The following MAPT variants were observed in gnomAD, a reference collection of about 807,000 sequenced individuals.
MAPT encodes the protein microtubule-associated protein tau.
MAPT carries 34 observed loss-of-function variants against 67.9 expected under a neutral mutation model. The ratio of observed to expected loss-of-function variants is 0.50; its 90% confidence interval spans 0.38 to 0.67. MAPT has a LOEUF of 0.67. Ranked by LOEUF, MAPT falls within the 30% of genes least tolerant of loss-of-function variation. The pLI is 0.00. For missense variants in MAPT, 881 were observed against 1,115.2 expected (o/e 0.79, Z 2.99); for synonymous variants, 456 against 464.5 (o/e 0.98, Z 0.23).
At chr17:45,937,608 AAAGAAAG>A (rs1395890643) in intron 1 of MAPT, among the ~76,000 whole-genome samples, 1 of 151,632 alleles carries the variant, frequency 6.6e-6, no homozygotes, top group Non-Finnish European at 1.5e-5. Flanking sequence ...AGAAAAAAAA[AAAGAAAG>A]GAGAGAGAGA....
intron 1 of MAPT, among the ~76,000 whole-genome samples, chr17:45,900,816 T>G (rs1212435645): frequency 6.6e-6 from 1 of 152,174 alleles, no homozygotes; most frequent in African/African-American, 2.4e-5. Flanking sequence ...GAGAGTTTTT[T>G]GTCATCCACA....
Position 46,010,172 on chromosome 17 carries a change from G to A in MAPT, c.1999-138G>A, listed in dbSNP as rs970516639. The stretch of plus-strand genomic sequence containing the variant: ...TCCCCAGACTGCCTCTGCCAAGTCC[G>A]AAAGTGGAGGCATCCTTGCGAGCAA... On this transcript the variant is annotated intron_variant, in intron 9 of 12. Transcript: ENST00000262410. The surrounding 1 kb of genome is among the most constrained non-coding windows in gnomAD (Gnocchi z 4.7). 1.1e-5 allele frequency: 8 copies of A among 717,448 alleles called. No homozygotes were observed. The highest frequency in any genetic ancestry group is 3.6e-4 in the Middle Eastern group (1 of 2,770). The allele number at this position is 717,448 out of a possible 1,614,324, so 44.4% of individuals were successfully genotyped here.
chr17:45,949,843 G>T (rs907800506), intron 1 of MAPT, among the ~76,000 whole-genome samples: 1 of 152,244 alleles, frequency 6.6e-6, no homozygotes, highest in East Asian at 1.9e-4. Flanking sequence ...GGAGGAAGGC[G>T]GATTGGTCAT....
rs1296480428 is a variant in MAPT at position 45,926,203 on chromosome 17, T to G, written c.-18+31517T>G. 1.4e-4 allele frequency among the ~76,000 whole-genome samples: 21 copies of G among 150,820 alleles called. No individual in the cohort carries two copies. The East Asian group carries it at 4.1e-3, about 29-fold the overall frequency. On this transcript the variant is annotated intron_variant, in intron 1 of 12. Coordinates refer to ENST00000262410, the MANE Select transcript of MAPT (RefSeq NM_001377265.1). ...TCTAGTCTGGGCAACAGAGTAAGAC[T>G]CTATGTCAAAGAAAAAAAAAAAAGA...
chr17:45,917,669 G>T (rs2065312041), intron 1 of MAPT, among the ~76,000 whole-genome samples: 1 of 152,128 alleles, frequency 6.6e-6, no homozygotes, highest in Non-Finnish European at 1.5e-5. Flanking sequence ...TGAGGGAACA[G>T]TTCCCAATGA....
intron 1 of MAPT, among the ~76,000 whole-genome samples, chr17:45,938,722 A>G (rs2067582643): frequency 6.6e-6 from 1 of 151,974 alleles, no homozygotes; most frequent in South Asian, 2.1e-4. Context: ...AGCTCACTGC[A>G]GCCTCGACGT....
intron 1 of MAPT, among the ~76,000 whole-genome samples, chr17:45,928,440 G>A (rs1188012060): frequency 6.6e-6 from 1 of 152,064 alleles, no homozygotes; most frequent in African/African-American, 2.4e-5. Context: ...TGACTTTGTG[G>A]TACTTGTCTC....
chr17:45,937,626 GAAAGA>G (rs1372606200), intron 1 of MAPT, among the ~76,000 whole-genome samples: 4 of 144,140 alleles, frequency 2.8e-5, no homozygotes, highest in Non-Finnish European at 4.6e-5. Context: ...GAGAGAGAGA[GAAAGA>G]AAAGAAAAGA....
intron 9 of MAPT, among the ~76,000 whole-genome samples, chr17:45,998,737 C>T (rs1317894900): frequency 4.6e-5 from 7 of 152,116 alleles, no homozygotes; most frequent in African/African-American, 1.7e-4. Context: ...GGAAACTGTC[C>T]TGCGCTTCCA....
intron 1 of MAPT, among the ~76,000 whole-genome samples, chr17:45,920,720 A>ACACCCTCC (rs2065627961): frequency 1.3e-5 from 2 of 152,150 alleles, no homozygotes; most frequent in East Asian, 3.9e-4. Context: ...TCCTGCAGAT[A>ACACCCTCC]CACCCTCCTT....
chr17:45,987,638 C>T (rs772862285), intron 6 of MAPT, among the ~76,000 whole-genome samples: 3 of 152,254 alleles, frequency 2.0e-5, no homozygotes, highest in Non-Finnish European at 2.9e-5. Context: ...TTAAAGGTAT[C>T]TAAAATTTCC....
At chr17:45,981,507 C>T (rs1162671984) in intron 4 of MAPT, among the ~76,000 whole-genome samples, 1 of 152,194 alleles carries the variant, frequency 6.6e-6, no homozygotes, top group Admixed American at 6.5e-5. Flanking sequence ...GTCTGCCGTG[C>T]AGAGCCCTTC....
chr17:45,978,178 G>A (rs2072571922), intron 3 of MAPT, 197 bp from the exon 4 acceptor site: 1 of 630,976 alleles, frequency 1.6e-6, no homozygotes, highest in Non-Finnish European at 2.9e-6. Context: ...TGTGCCTTTT[G>A]TTTAGTGAAC....
rs551570589 is a variant in MAPT at position 46,023,916 on chromosome 17, G to A, written c.2287-40G>A. On this transcript the variant is annotated intron_variant, in intron 12 of 12. Coordinates refer to ENST00000262410, the MANE Select transcript of MAPT (RefSeq NM_001377265.1). ...CAGTTGGCAGGGCTGGTCTTTCTCTGGCACTTCATCTCACCCTCCCTCCCT... is the reference window on the plus strand; with the variant it reads ...CAGTTGGCAGGGCTGGTCTTTCTCTAGCACTTCATCTCACCCTCCCTCCCT... The A allele has an allele frequency of 6.2e-5, 97 of 1,565,566 alleles. No homozygotes were observed. The South Asian group carries it at 9.9e-4, about 16-fold the overall frequency.
chr17:45,897,229 G>T lies in MAPT; in HGVS notation c.-18+2543G>T, dbSNP rs1362424263. The stretch of plus-strand genomic sequence containing the variant: ...GAGCGAGGGTCTCGGGGTGGCCCCG[G>T]AAAAGGGGAGCCCGCGGCCACGGCT... On this transcript the variant is annotated intron_variant, in intron 1 of 12. Transcript: ENST00000262410. This position sits in a 1 kb window ranked among gnomAD's most constrained non-coding sequence, Gnocchi z 5.0. The T allele has an allele frequency of 6.6e-6, 1 of 152,256 alleles. No individual in the cohort carries two copies. Among genetic ancestry groups the T allele is most frequent in the East Asian group, 1.9e-4 (1 of 5,188 alleles). 9.4% of individuals were successfully genotyped at this position (152,256 alleles called of 1,614,324 possible).
At position 45,915,401 on chromosome 17, in the gene MAPT, T is replaced by C. The variant is rs2065120560; in HGVS notation, c.-18+20715T>C. 6.6e-6 allele frequency among the ~76,000 whole-genome samples: 1 copy of C among 150,780 alleles called. No homozygotes were observed. Among genetic ancestry groups the C allele is most frequent in the Non-Finnish European group, 1.5e-5 (1 of 67,614 alleles). ...GTGTGAGTTGTGTATGGTGTGTGCATGAGCATGTGTGTGGGCATGTGATGT... is the reference window on the plus strand; with the variant it reads ...GTGTGAGTTGTGTATGGTGTGTGCACGAGCATGTGTGTGGGCATGTGATGT... On this transcript the variant is annotated intron_variant, in intron 1 of 12. Transcript: ENST00000262410. The surrounding 1 kb of genome is among the most constrained non-coding windows in gnomAD (Gnocchi z 4.4).
rs2075762520 is a variant in MAPT, at chr17:46,010,647, C to A, written c.2091+245C>A. ...CAGCATTTCTGGGTCCCCCAGCCTG[C>A]GCAGGCTGTGTGGACAGAATAGGGC... On this transcript the variant is annotated intron_variant, in intron 10 of 12. Transcript: ENST00000262410. This position sits in a 1 kb window ranked among gnomAD's most constrained non-coding sequence, Gnocchi z 4.7. Among the ~76,000 whole-genome samples, 1 of 152,190 alleles carries A rather than the reference C, an allele frequency of 6.6e-6. No homozygotes were observed. The highest frequency in any genetic ancestry group is 2.4e-5 in the African/African-American group (1 of 41,434).
chr17:46,022,323 C>T (rs1598419251), intron 12 of MAPT, among the ~76,000 whole-genome samples: 2 of 137,212 alleles, frequency 1.5e-5, no homozygotes, highest in Admixed American at 1.6e-4. Context: ...CACTGCACTC[C>T]AGCGTGGGTG....
intron 11 of MAPT, among the ~76,000 whole-genome samples, chr17:46,016,123 G>A (rs1256101748): frequency 6.6e-6 from 1 of 152,200 alleles, no homozygotes; most frequent in African/African-American, 2.4e-5. Flanking sequence ...CGGCTGTGGT[G>A]GCCCACACCT....
Sources: gnomAD v4.1 joint callset for allele counts (sites outside exome capture counted in the v4.1 genomes callset) on GRCh38, gnomAD v4.1.1 for gene constraint, Gnocchi (gnomAD v3.1) non-coding constraint, MANE v1.5 for transcripts, NCBI Gene and HGNC (gene_info 2026-07-23, HGNC 2026-07-21) for gene names.